PDE4D: variants seen among roughly 807,000 people sequenced by gnomAD.
The protein encoded by PDE4D is 3',5'-cyclic-AMP phosphodiesterase 4D.
PDE4D carries 24 observed loss-of-function variants against 87.4 expected under a neutral mutation model. That is an observed-to-expected ratio of 0.27 (90% CI 0.20 to 0.39). PDE4D has a LOEUF of 0.39. Ranked by LOEUF, PDE4D falls within the 10% of genes least tolerant of loss-of-function variation. PDE4D has a pLI of 1.00. For synonymous variants in PDE4D, 384 were observed against 383.2 expected (o/e 1.00, Z -0.02); for missense variants, 714 against 1,041.0 (o/e 0.69, Z 4.32).
intron 2 of PDE4D, among the ~76,000 whole-genome samples, chr5:59,214,900 A>T (rs1423086463): frequency 6.6e-6 from 1 of 152,208 alleles, no homozygotes; most frequent in Non-Finnish European, 1.5e-5. Flanking sequence ...GGTTCCATAC[A>T]GACTAATTCT....
At chr5:59,823,834 C>T (rs1452009273) in intron 1 of PDE4D, among the ~76,000 whole-genome samples, 1 of 148,498 alleles carries the variant, frequency 6.7e-6, no homozygotes, top group Admixed American at 6.9e-5. Context: ...GGGACCTTTG[C>T]TATTTTTCTA....
intron 2 of PDE4D, among the ~76,000 whole-genome samples, chr5:60,007,535 A>G (rs1764608755): frequency 6.6e-6 from 1 of 151,962 alleles, no homozygotes; most frequent in Admixed American, 6.6e-5. Context: ...TAAATAAATA[A>G]CTGGCAAACT....
At chr5:59,180,335 C>A in intron 5 of PDE4D, 1 of 649,420 alleles carries the variant, frequency 1.5e-6, no homozygotes, top group Non-Finnish European at 2.9e-6. Context: ...ATGCCCAGAG[C>A]AATGCTCAAA....
At chr5:59,713,064 A>G (rs1435924409) in intron 1 of PDE4D, among the ~76,000 whole-genome samples, 1 of 152,224 alleles carries the variant, frequency 6.6e-6, no homozygotes, top group Non-Finnish European at 1.5e-5. Context: ...GGAATTTGAC[A>G]GCATTAAAAC....
At chr5:59,952,699 T>C (rs535618286) in intron 3 of PDE4D, among the ~76,000 whole-genome samples, 3 of 152,302 alleles carry the variant, frequency 2.0e-5, no homozygotes, top group African/African-American at 7.2e-5. Context: ...CTGGGGATGC[T>C]TGCCCTTGGA....
intron 5 of PDE4D, among the ~76,000 whole-genome samples, chr5:59,169,057 C>T (rs940884389): frequency 6.6e-6 from 1 of 150,958 alleles, no homozygotes; most frequent in Non-Finnish European, 1.5e-5. Flanking sequence ...ATTTTTAAAG[C>T]ATTTTTTGAG....
At chr5:59,751,674 A>G (rs1760505402) in intron 1 of PDE4D, among the ~76,000 whole-genome samples, 1 of 151,248 alleles carries the variant, frequency 6.6e-6, no homozygotes, top group African/African-American at 2.4e-5. Flanking sequence ...CAATCCTTCA[A>G]AATCTGATTC....
At chr5:59,699,408 A>C (rs987456807) in intron 1 of PDE4D, among the ~76,000 whole-genome samples, 3 of 152,200 alleles carry the variant, frequency 2.0e-5, no homozygotes, top group African/African-American at 7.2e-5. Context: ...AATTATATAA[A>C]ATAGAATCAT....
rs114412143 is a variant in PDE4D at position 59,824,202 on chromosome 5, T to C, written c.455+68966A>G. On this transcript the variant is annotated intron_variant, in intron 1 of 14. Coordinates refer to ENST00000340635, the MANE Select transcript of PDE4D (RefSeq NM_001104631.2). ...CTAATACAATCAACAACTATCACTT[T>C]GATGTGTAATCAATATTAAAAATTT... 7.0e-3 allele frequency among the ~76,000 whole-genome samples: 1,071 copies of C among 152,316 alleles called. 14 individuals carry two copies. Among genetic ancestry groups the C allele is most frequent in the African/African-American group, 0.024 (978 of 41,576 alleles).
intron 1 of PDE4D, among the ~76,000 whole-genome samples, chr5:59,746,356 G>A (rs1431670767): frequency 6.6e-6 from 1 of 152,064 alleles, no homozygotes; most frequent in Non-Finnish European, 1.5e-5. Context: ...GAAGATGACT[G>A]GGCAGACCTG....
In PDE4D at chr5:59,134,357, C is replaced by T. The variant is rs145402883; in HGVS notation, c.808+46238G>A. On this transcript the variant is annotated intron_variant, in intron 5 of 14. Coordinates refer to ENST00000340635, the MANE Select transcript of PDE4D (RefSeq NM_001104631.2). ...AACAAAGAATAACTGATAAAATCAA[C>T]GGGACAATGGGCCTTTGAGAACAAA... is the stretch of plus-strand genomic sequence containing the variant. Among the ~76,000 whole-genome samples the T allele has an allele frequency of 1.1e-4, 17 of 151,780 alleles. 1 individual carries two copies. In the South Asian group the frequency reaches 1.9e-3, roughly 17 times the overall value.
At chr5:60,284,744 C>T (rs1213825656) in intron 1 of PDE4D, among the ~76,000 whole-genome samples, 1 of 152,120 alleles carries the variant, frequency 6.6e-6, no homozygotes, top group Non-Finnish European at 1.5e-5. Context: ...GATTTATTCT[C>T]ATGTTAGAAG....
At chr5:59,791,348 C>G (rs1057324795) in intron 1 of PDE4D, among the ~76,000 whole-genome samples, 1 of 152,188 alleles carries the variant, frequency 6.6e-6, no homozygotes, top group Admixed American at 6.5e-5. Context: ...TGGGAGTTCA[C>G]GGCGCTGAGA....
chr5:59,741,280 T>C (rs546783321), intron 1 of PDE4D, among the ~76,000 whole-genome samples: 2 of 152,310 alleles, frequency 1.3e-5, no homozygotes, highest in South Asian at 4.1e-4. Context: ...AGATGATCTC[T>C]GAAAGGTCCC....
Position 60,263,252 on chromosome 5 carries a change from T to C in PDE4D, c.-89-77565A>G, listed in dbSNP as rs146735444. Among the ~76,000 whole-genome samples, 10 of 152,330 alleles carry C rather than the reference T, an allele frequency of 6.6e-5. 1 individual carries two copies. Among genetic ancestry groups the C allele is most frequent in the Admixed American group, 4.6e-4 (7 of 15,298 alleles). On this transcript the variant is annotated intron_variant, in intron 1 of 16. Coordinates refer to the PDE4D transcript ENST00000502484. ...AGGGTAACCGTCAGGGAATCTCCCT[T>C]AAATTCCATTGCCTGGTTGGAAACT...
rs1902609 is a variant in PDE4D at position 59,392,830 on chromosome 5, T to G, written c.456-176862A>C. ...TGAAAGGGAGAGTGACAGGATCAAA[T>G]GAAGACTTTCAGTAAGTCACCTGGA... is the stretch of plus-strand genomic sequence containing the variant. On this transcript the variant is annotated intron_variant, in intron 1 of 14. Transcript: ENST00000340635. 8.8e-3 allele frequency among the ~76,000 whole-genome samples: 1,343 copies of G among 152,136 alleles called. 26 individuals carry two copies. Among genetic ancestry groups the G allele is most frequent in the African/African-American group, 0.031 (1,287 of 41,494 alleles).
At chr5:60,418,112 T>C (rs1164519488) in intron 1 of PDE4D, among the ~76,000 whole-genome samples, 4 of 152,016 alleles carry the variant, frequency 2.6e-5, no homozygotes, top group African/African-American at 9.7e-5. Context: ...GTTCATTGAG[T>C]AGCTAAGTCT....
chr5:60,079,136 C>T lies in PDE4D; in HGVS notation c.43-90419G>A, dbSNP rs573179583. On this transcript the variant is annotated intron_variant, in intron 2 of 16. Coordinates refer to the PDE4D transcript ENST00000502484. The stretch of plus-strand genomic sequence containing the variant: ...TTTGATTTGCATTTCTCTGATGATC[C>T]ATGACATTGAGCTTTTTTCATATGT... Among the ~76,000 whole-genome samples the T allele has an allele frequency of 1.4e-3, 218 of 152,168 alleles. 2 individuals are homozygous for T. Among genetic ancestry groups the T allele is most frequent in the South Asian group, 3.1e-3 (15 of 4,822 alleles).
chr5:59,507,679 A>AAAAAAAGAAAAGAAAAG (rs61334148), intron 1 of PDE4D, among the ~76,000 whole-genome samples: 1 of 118,712 alleles, frequency 8.4e-6, no homozygotes, highest in African/African-American at 3.5e-5. Context: ...AAAAAAAAAA[A>AAAAAAAGAAAAGAAAAG]AAAAGAAAAG....
Sources: gnomAD v4.1 joint callset for allele counts (sites outside exome capture counted in the v4.1 genomes callset) on GRCh38, gnomAD v4.1.1 for gene constraint, MANE v1.5 for transcripts, NCBI Gene and HGNC (gene_info 2026-07-23, HGNC 2026-07-21) for gene names.